HACE1: variants seen among roughly 807,000 people sequenced by gnomAD.
HACE1 encodes HECT domain and ankyrin repeat containing E3 ubiquitin protein ligase 1, also known as E3 ubiquitin-protein ligase HACE1.
In HACE1, 73 loss-of-function variants were observed where a neutral mutation model predicts 118.4. That is an observed-to-expected ratio of 0.62 (90% CI 0.51 to 0.75). The LOEUF (loss-of-function observed/expected upper bound fraction) is 0.75. Ranked by LOEUF, HACE1 falls within the 30% of genes least tolerant of loss-of-function variation. The pLI is 0.00. For synonymous variants in HACE1, 368 were observed against 374.8 expected, an observed-to-expected ratio of 0.98 and a Z score of 0.21; for missense variants, 749 against 1,102.2, an observed-to-expected ratio of 0.68 and a Z score of 4.54.
intron 7 of HACE1, among the ~76,000 whole-genome samples, chr6:104,803,517 C>T (rs1159069303): frequency 1.4e-4 from 21 of 152,104 alleles, no homozygotes; most frequent in Admixed American, 1.1e-3. Flanking sequence ...TTATCCACCA[C>T]GATCAAGTCG....
intron 1 of HACE1, 69 bp downstream of exon 1, chr6:104,859,498 C>T: frequency 2.6e-6 from 3 of 1,146,966 alleles, no homozygotes; most frequent in African/African-American, 1.6e-5. Flanking sequence ...GACCTTGACG[C>T]GGCCGGAGCT....
chr6:104,785,584 CA>C (rs1440542008), intron 11 of HACE1: 7 of 375,618 alleles, frequency 1.9e-5, no homozygotes, highest in African/African-American at 1.5e-4. Flanking sequence ...CTAAATCTAA[CA>C]AAAAATTCAC....
chr6:104,811,408 A>T lies in HACE1; in HGVS notation c.535-15T>A. 7.8e-7 allele frequency: 1 copy of T among 1,278,806 alleles called. No homozygotes were observed. The highest frequency in any genetic ancestry group is 2.3e-5 in the East Asian group (1 of 42,962). 79.2% of individuals were successfully genotyped at this position (1,278,806 alleles called of 1,614,324 possible). Reference sequence around the variant, plus strand: ...CACTGCACTGTCTGAGGGGGAAAAAATAATTAAAAGTAAAGCCAGAGGAAT... The same window carrying T: ...CACTGCACTGTCTGAGGGGGAAAAATTAATTAAAAGTAAAGCCAGAGGAAT... On this transcript the variant is annotated splice_polypyrimidine_tract_variant and intron_variant, in intron 6 of 23. Transcript: ENST00000262903.
In HACE1 at chr6:104,849,266, C is replaced by T; in HGVS notation, c.222-20G>A. 2.2e-6 allele frequency: 3 copies of T among 1,364,642 alleles called. No individual in the cohort carries two copies. The highest frequency in any genetic ancestry group is 1.2e-5 in the South Asian group (1 of 86,030). The allele number at this position is 1,364,642 out of a possible 1,614,324, so 84.5% of individuals were successfully genotyped here. On this transcript the variant is annotated intron_variant, in intron 3 of 23. Coordinates refer to ENST00000262903, the MANE Select transcript of HACE1 (RefSeq NM_020771.4). ...CCACAACTAAAACAATATTAAAAGACAGTTCAGATACATTCAACATACAGC... is the reference window on the plus strand; with the variant it reads ...CCACAACTAAAACAATATTAAAAGATAGTTCAGATACATTCAACATACAGC...
chr6:104,760,586 T>A (rs949180655), intron 19 of HACE1, among the ~76,000 whole-genome samples: 1 of 152,158 alleles, frequency 6.6e-6, no homozygotes, highest in African/African-American at 2.4e-5. Flanking sequence ...ACAGCCAATA[T>A]CATACTGAAT....
chr6:104,775,255 C>CA (rs1781106527), intron 17 of HACE1, among the ~76,000 whole-genome samples: 1 of 152,030 alleles, frequency 6.6e-6, no homozygotes, highest in Admixed American at 6.6e-5. Context: ...GTGATCCTCC[C>CA]ACCTCAGCCA....
intron 18 of HACE1, among the ~76,000 whole-genome samples, chr6:104,771,626 A>C (rs1780607958): frequency 6.6e-6 from 1 of 152,170 alleles, no homozygotes; most frequent in Admixed American, 6.5e-5. Flanking sequence ...AAGTTATTAT[A>C]AACTTCAAAA....
intron 17 of HACE1, among the ~76,000 whole-genome samples, chr6:104,774,687 TATC>T (rs1251889704): frequency 6.6e-6 from 1 of 152,090 alleles, no homozygotes; most frequent in East Asian, 1.9e-4. Flanking sequence ...CCCAAGCAGG[TATC>T]ATCATTTTTA....
intron 19 of HACE1, 40 bp from the exon 20 acceptor site, chr6:104,750,512 C>T (rs1391710396): frequency 6.4e-7 from 1 of 1,557,624 alleles, no homozygotes; most frequent in Non-Finnish European, 8.8e-7. Flanking sequence ...TTTCAAAAAC[C>T]TTTTACATAC....
intron 7 of HACE1, among the ~76,000 whole-genome samples, chr6:104,801,430 T>G (rs1770337931): frequency 6.6e-6 from 1 of 151,824 alleles, no homozygotes; most frequent in African/African-American, 2.4e-5. Context: ...TTTATCAAGG[T>G]TGAAATGAAG....
Position 104,850,912 on chromosome 6 carries a change from T to A in HACE1, c.216A>T (p.Ala72=), listed in dbSNP as rs1223787071. The change falls in exon 3 of 24, where the codon GCA becomes GCT. Residue 72 remains alanine (A), a synonymous_variant. Transcript: ENST00000262903. Reference sequence around the variant, plus strand: ...CAAAATATCTTTAGTCTTACTTTGCTGCAATGTGAAGCAAGCTTCTTTTCA... The same window carrying A: ...CAAAATATCTTTAGTCTTACTTTGCAGCAATGTGAAGCAAGCTTCTTTTCA... ...GRVKRSLLHI[A]ANCGSVECLV... 6.3e-7 allele frequency: 1 copy of A among 1,587,212 alleles called. No homozygotes were observed. The highest frequency in any genetic ancestry group is 1.7e-5 in the Admixed American group (1 of 60,002).
At position 104,784,330 on chromosome 6, in the gene HACE1, G is replaced by A. The variant is rs146967749; in HGVS notation, c.1478+87C>T. 471 of 960,186 alleles carry A rather than the reference G, an allele frequency of 4.9e-4. 6 individuals carry two copies. The East Asian group carries it at 0.01, about 21-fold the overall frequency. The allele number at this position is 960,186 out of a possible 1,614,324, so 59.5% of individuals were successfully genotyped here. The stretch of plus-strand genomic sequence containing the variant: ...TTATTGAGCATATTTTGAATAGTAC[G>A]AGAAATAGTATTTTTTCTGTTTAGA... On this transcript the variant is annotated intron_variant, in intron 13 of 23. Transcript: ENST00000262903.
intron 6 of HACE1, among the ~76,000 whole-genome samples, chr6:104,831,933 G>GAGAAT (rs1773932685): frequency 1.2e-5 from 1 of 86,042 alleles, no homozygotes; most frequent in Admixed American, 1.2e-4. Flanking sequence ...GAGAAGAGAA[G>GAGAAT]AGAAGAGAAG....
At chr6:104,765,723 C>T (rs1779928629) in intron 19 of HACE1, among the ~76,000 whole-genome samples, 1 of 152,164 alleles carries the variant, frequency 6.6e-6, no homozygotes, top group African/African-American at 2.4e-5. Flanking sequence ...GATCGGCATA[C>T]CATTAAGTGG....
At chr6:104,793,982 T>C (rs542876460) in intron 10 of HACE1, among the ~76,000 whole-genome samples, 33 of 152,328 alleles carry the variant, frequency 2.2e-4, no homozygotes, top group African/African-American at 7.7e-4. Flanking sequence ...GTTTTGGTCA[T>C]GGGTTCCTTT....
intron 6 of HACE1, among the ~76,000 whole-genome samples, chr6:104,821,019 C>T (rs983176213): frequency 6.6e-6 from 1 of 152,062 alleles, no homozygotes; most frequent in Non-Finnish European, 1.5e-5. Context: ...TAAAAAAGAA[C>T]GTGACAATGT....
chr6:104,735,579 C>T (rs765554803), intron 22 of HACE1, among the ~76,000 whole-genome samples: 4 of 151,416 alleles, frequency 2.6e-5, no homozygotes, highest in South Asian at 2.1e-4. Context: ...TACAGTGAGC[C>T]GAGATGGCGC....
At chr6:104,736,019 TAGA>T (rs1775788445) in intron 22 of HACE1, among the ~76,000 whole-genome samples, 1 of 151,930 alleles carries the variant, frequency 6.6e-6, no homozygotes. Flanking sequence ...TTAAAAATTC[TAGA>T]AGAATAACAA....
At chr6:104,814,622 G>A (rs1271787648) in intron 6 of HACE1, among the ~76,000 whole-genome samples, 2 of 137,492 alleles carry the variant, frequency 1.5e-5, no homozygotes, top group Non-Finnish European at 3.1e-5. Flanking sequence ...GAGACACTAA[G>A]ATTATTTCTA....
Sources: gnomAD v4.1 joint callset for allele counts (sites outside exome capture counted in the v4.1 genomes callset) on GRCh38, gnomAD v4.1.1 for gene constraint, MANE v1.5 for transcripts, NCBI Gene and HGNC (gene_info 2026-07-23, HGNC 2026-07-21) for gene names.